The following EPHA6 variants were observed in gnomAD, a reference collection of about 807,000 sequenced individuals.
The protein encoded by EPHA6 is ephrin type-A receptor 6.
A neutral mutation model predicts 112.0 loss-of-function variants in EPHA6; 50 were observed. That is an observed-to-expected ratio of 0.45 (90% CI 0.36 to 0.56). The LOEUF (loss-of-function observed/expected upper bound fraction) is 0.56. Among genes scored for constraint, EPHA6 ranks in the 20% least tolerant of loss-of-function variants. EPHA6 has a pLI of 0.00. For missense variants in EPHA6, 1,280 were observed against 1,417.4 expected, an observed-to-expected ratio of 0.90 and a Z score of 1.56; for synonymous variants, 529 against 490.7, an observed-to-expected ratio of 1.08 and a Z score of -1.03.
chr3:97,236,096 G>A (rs2078671985), intron 4 of EPHA6, among the ~76,000 whole-genome samples: 3 of 151,758 alleles, frequency 2.0e-5, no homozygotes, highest in Admixed American at 2.0e-4. Context: ...GAGCTGTGGA[G>A]GACACTCCAC....
intron 10 of EPHA6, among the ~76,000 whole-genome samples, chr3:97,493,292 G>A (rs1009353557): frequency 3.3e-5 from 5 of 151,678 alleles, no homozygotes; most frequent in African/African-American, 1.2e-4. Context: ...CAGCTTCACT[G>A]TCATAACAAA....
intron 10 of EPHA6, among the ~76,000 whole-genome samples, chr3:97,505,946 A>G (rs1173133408): frequency 1.3e-5 from 2 of 152,034 alleles, no homozygotes; most frequent in East Asian, 3.9e-4. Context: ...GTGGTGATGA[A>G]CTTTTTTTCA....
intron 10 of EPHA6, among the ~76,000 whole-genome samples, chr3:97,515,168 A>G (rs1449099668): frequency 1.3e-5 from 2 of 152,240 alleles, no homozygotes; most frequent in East Asian, 3.8e-4. Flanking sequence ...TACATTACTA[A>G]TAACACTACT....
intron 4 of EPHA6, among the ~76,000 whole-genome samples, chr3:97,237,484 T>A (rs1300156245): frequency 3.9e-5 from 6 of 151,996 alleles, no homozygotes; most frequent in African/African-American, 1.4e-4. Context: ...TCTGCTGATG[T>A]TGGAGAATCG....
chr3:96,848,477 AT>A (rs1360027406), intron 1 of EPHA6, among the ~76,000 whole-genome samples: 1 of 151,984 alleles, frequency 6.6e-6, no homozygotes, highest in Non-Finnish European at 1.5e-5. Context: ...AAATACGAAA[AT>A]TAGCTGGGTG....
chr3:97,490,461 T>C (rs1383279715), intron 10 of EPHA6, among the ~76,000 whole-genome samples: 3 of 152,080 alleles, frequency 2.0e-5, no homozygotes. Flanking sequence ...TTTTGAAGAG[T>C]TGTTTATAAC....
rs184812452 is a variant in EPHA6 at position 97,758,165 on chromosome 3, C to T, written c.*9464C>T. On this transcript the variant is annotated 3_prime_UTR_variant, in exon 18 of 18. Transcript: ENST00000389672. ...CTTCAAACAAGAGTGAAAAGCTACT[C>T]CATTTACGTGTAATCTGCTTATTTT... Among the ~76,000 whole-genome samples the T allele has an allele frequency of 1.3e-5, 2 of 152,016 alleles. No homozygotes were observed. Among genetic ancestry groups the T allele is most frequent in the African/African-American group, 2.4e-5 (1 of 41,528 alleles).
chr3:97,722,258 A>G (rs573285028), intron 15 of EPHA6, among the ~76,000 whole-genome samples: 2 of 152,320 alleles, frequency 1.3e-5, no homozygotes, highest in South Asian at 2.1e-4. Flanking sequence ...GATTATATAC[A>G]AGTACTACTG....
chr3:97,269,927 A>T (rs562191047), intron 5 of EPHA6, among the ~76,000 whole-genome samples: 1 of 152,342 alleles, frequency 6.6e-6, no homozygotes, highest in East Asian at 1.9e-4. Flanking sequence ...TAATTCATAA[A>T]TGTAGCCAAC....
chr3:97,707,778 G>A (rs1222334393), intron 14 of EPHA6, among the ~76,000 whole-genome samples: 1 of 152,134 alleles, frequency 6.6e-6, no homozygotes, highest in Non-Finnish European at 1.5e-5. Context: ...TTTCCCCCAT[G>A]TTGTTCTCAT....
intron 5 of EPHA6, among the ~76,000 whole-genome samples, chr3:97,296,070 C>T (rs2080864635): frequency 2.0e-5 from 3 of 152,140 alleles, no homozygotes; most frequent in Admixed American, 2.0e-4. Flanking sequence ...GGTCCTAGGT[C>T]CTCTAGACAG....
At chr3:97,663,442 G>A (rs1282321355) in intron 14 of EPHA6, among the ~76,000 whole-genome samples, 3 of 151,218 alleles carry the variant, frequency 2.0e-5, no homozygotes, top group Non-Finnish European at 2.9e-5. Context: ...CCATTAACTC[G>A]TCATTTACAT....
intron 5 of EPHA6, among the ~76,000 whole-genome samples, chr3:97,326,683 G>A (rs1264950329): frequency 1.3e-5 from 2 of 152,028 alleles, no homozygotes; most frequent in African/African-American, 4.8e-5. Flanking sequence ...AATGGTCTTG[G>A]TAGAAATTGG....
intron 3 of EPHA6, among the ~76,000 whole-genome samples, chr3:97,218,746 T>G (rs867025954): frequency 6.6e-6 from 1 of 152,196 alleles, no homozygotes; most frequent in African/African-American, 2.4e-5. Context: ...ATACCAATCA[T>G]GCCTTCCCAA....
At chr3:97,381,769 A>G (rs923543753) in intron 5 of EPHA6, among the ~76,000 whole-genome samples, 2 of 152,130 alleles carry the variant, frequency 1.3e-5, no homozygotes, top group African/African-American at 2.4e-5. Flanking sequence ...GCATCAAATA[A>G]TCATGCCTAA....
At chr3:97,154,604 C>A (rs910926086) in intron 3 of EPHA6, among the ~76,000 whole-genome samples, 29 of 152,200 alleles carry the variant, frequency 1.9e-4, no homozygotes, top group African/African-American at 6.7e-4. Context: ...AAACTTTGTA[C>A]CCTTTGTCCA....
rs200885578 is a variant in EPHA6, at chr3:97,528,206, A to C, written c.2201-4152A>C. Among the ~76,000 whole-genome samples the C allele has an allele frequency of 2.0e-5, 3 of 152,238 alleles. No individual in the cohort carries two copies. The East Asian group carries it at 5.8e-4, about 29-fold the overall frequency. ...CTTTGTCTCATTTTATCATGGTCTC[A>C]AAGTAGCCTGAGGTTCGTATTATTT... On this transcript the variant is annotated intron_variant, in intron 10 of 17. Coordinates refer to ENST00000389672, the MANE Select transcript of EPHA6 (RefSeq NM_001080448.3).
chr3:96,977,054 A>G (rs1559637575), intron 2 of EPHA6, among the ~76,000 whole-genome samples: 2 of 152,202 alleles, frequency 1.3e-5, no homozygotes, highest in Admixed American at 6.6e-5. Context: ...AGGGCAAAGA[A>G]GTGGGATTAA....
intron 3 of EPHA6, among the ~76,000 whole-genome samples, chr3:97,186,061 G>A (rs566884561): frequency 1.6e-5 from 2 of 126,000 alleles, no homozygotes; most frequent in Non-Finnish European, 3.3e-5. Flanking sequence ...GGGGACTGTT[G>A]TGGGGTCGGG....
Sources: allele counts gnomAD v4.1 joint callset (sites outside exome capture counted in the v4.1 genomes callset), GRCh38; gene constraint gnomAD v4.1.1; transcripts MANE v1.5; gene names NCBI Gene and HGNC (gene_info 2026-07-23, HGNC 2026-07-21).